The following ERAP1 variants were observed in gnomAD, a reference collection of about 807,000 sequenced individuals.
The protein encoded by ERAP1 is adipocyte-derived leucine aminopeptidase.
Under a neutral mutation model 103.7 loss-of-function variants are expected in ERAP1, and 86 were observed. That is an observed-to-expected ratio of 0.83 (90% CI 0.70 to 0.99). ERAP1 has a LOEUF of 0.99. ERAP1 is among the 50% of genes least tolerant of loss of function. ERAP1 has a pLI of 0.00. For missense variants in ERAP1, 1,009 were observed against 1,128.4 expected (o/e 0.89, Z 1.52); for synonymous variants, 398 against 402.4 (o/e 0.99, Z 0.13).
the ERAP1 span, among the ~76,000 whole-genome samples, chr5:96,917,113 G>T: frequency 1.3e-5 from 2 of 152,026 alleles, no homozygotes; most frequent in Non-Finnish European, 2.9e-5. Context: ...TGGTTTTATT[G>T]TTTCTTTATT....
At chr5:96,887,473 G>A in the ERAP1 span, among the ~76,000 whole-genome samples, 1 of 151,888 alleles carries the variant, frequency 6.6e-6, no homozygotes, top group Non-Finnish European at 1.5e-5. Context: ...GCTAATTTTT[G>A]TATATTTGTA....
intron 1 of ERAP1, chr5:96,805,602 A>C (rs1254637079): frequency 6.6e-6 from 1 of 152,266 alleles, no homozygotes; most frequent in Non-Finnish European, 1.5e-5. Flanking sequence ...CCTACACATT[A>C]GAGAGAGTCT....
At chr5:96,890,862 T>C in the ERAP1 span, among the ~76,000 whole-genome samples, 1 of 152,098 alleles carries the variant, frequency 6.6e-6, no homozygotes, top group Non-Finnish European at 1.5e-5. Context: ...AGATCAAAAG[T>C]CAAGGAAAGA....
chr5:96,874,341 G>C, the ERAP1 span, among the ~76,000 whole-genome samples: 1 of 152,156 alleles, frequency 6.6e-6, no homozygotes, highest in African/African-American at 2.4e-5. Flanking sequence ...CACCACTTCT[G>C]TTCCAGTGGG....
rs1775104197 is a variant in ERAP1 at position 96,781,105 on chromosome 5, TG to T, written c.2540del (p.Pro847HisfsTer7). ...TTTTCCTCAGAAATTGCCAGGCCAGTGGGTATCCTACTGGGTTCCTGCCAAT... is the reference window on the plus strand; with the variant it reads ...TTTTCCTCAGAAATTGCCAGGCCAGTGGTATCCTACTGGGTTCCTGCCAAT... ...TLIGRNPVGY[P>X]LAWQFLRKNW... On this transcript the variant is annotated frameshift_variant, in exon 17 of 19. Transcript: ENST00000443439. LOFTEE classifies it high-confidence loss of function. The T allele has an allele frequency of 1.2e-6, 2 of 1,613,758 alleles. No individual in the cohort carries two copies. Among genetic ancestry groups the T allele is most frequent in the African/African-American group, 2.7e-5 (2 of 74,826 alleles).
the ERAP1 span, among the ~76,000 whole-genome samples, chr5:96,891,351 G>T: frequency 8.5e-6 from 1 of 116,994 alleles, no homozygotes; most frequent in East Asian, 2.5e-4. Flanking sequence ...ATATGTATAT[G>T]TGTGTGTATA....
chr5:96,932,983 A>G, the ERAP1 span, among the ~76,000 whole-genome samples: 1 of 152,148 alleles, frequency 6.6e-6, no homozygotes, highest in South Asian at 2.1e-4. Context: ...TTCTTAAACT[A>G]AAGAGGAAGT....
the ERAP1 span, among the ~76,000 whole-genome samples, chr5:96,874,038 A>G: frequency 2.6e-5 from 4 of 151,854 alleles, no homozygotes; most frequent in African/African-American, 9.7e-5. Context: ...GAAAACTGAG[A>G]CATGAATTCC....
chr5:96,902,668 A>T, the ERAP1 span: 1 of 194,086 alleles, frequency 5.2e-6, no homozygotes. Flanking sequence ...AAAAATGTTC[A>T]GTGGAAAAAA....
chr5:96,913,438 T>C, the ERAP1 span: 3 of 1,614,088 alleles, frequency 1.9e-6, no homozygotes, highest in Admixed American at 1.7e-5. Flanking sequence ...AAGAGAAAAT[T>C]GGACCCATCT....
the ERAP1 span, chr5:96,909,778 T>A: frequency 1.2e-6 from 2 of 1,612,432 alleles, no homozygotes; most frequent in Non-Finnish European, 1.7e-6. Flanking sequence ...GATGTAGACT[T>A]CTGTCCTACC....
chr5:96,901,203 C>CTTGT, the ERAP1 span, among the ~76,000 whole-genome samples: 1 of 151,814 alleles, frequency 6.6e-6, no homozygotes, highest in Non-Finnish European at 1.5e-5. Flanking sequence ...TGTTTGTTTG[C>CTTGT]TTGTTTTTGA....
the ERAP1 span, among the ~76,000 whole-genome samples, chr5:96,836,316 C>T: frequency 6.6e-6 from 1 of 151,928 alleles, no homozygotes; most frequent in Non-Finnish European, 1.5e-5. Context: ...GTTCTTCTGC[C>T]TCAGCCTCCC....
chr5:96,783,932 G>T lies in ERAP1; in HGVS notation c.2092C>A (p.Gln698Lys). 1 of 1,612,116 alleles carries T rather than the reference G, an allele frequency of 6.2e-7. No homozygotes were observed. Among genetic ancestry groups the T allele is most frequent in the South Asian group, 1.1e-5 (1 of 90,910 alleles). Residue 698 changes from glutamine to lysine, a missense_variant, in exon 14 of 19, where the codon CAA (glutamine) becomes AAA (lysine). Physicochemically the swap from Gln to Lys is moderately conservative, Grantham distance 53 (BLOSUM62 1). This residue lies in a region of ERAP1 where 611 missense variants were observed against 651.7 expected (regional missense o/e 0.94). Coordinates refer to ENST00000443439, the MANE Select transcript of ERAP1 (RefSeq NM_001040458.3). ...TTATTTCAGGCTTTTACCTTGAATT[G>T]AGTTTCCACTTCATTCATATCTCTT... ...EKRDMNEVETQFKAFLIRLLR... is the reference protein window; with the variant it reads ...EKRDMNEVETKFKAFLIRLLR...
At chr5:96,789,516 A>G (rs1471580894) in intron 10 of ERAP1, among the ~76,000 whole-genome samples, 3 of 152,154 alleles carry the variant, frequency 2.0e-5, no homozygotes, top group Non-Finnish European at 4.4e-5. Flanking sequence ...AAAAGATAAA[A>G]TGTGCCACAG....
chr5:96,783,277 A>T, intron 14 of ERAP1, 42 bp from the exon 15 acceptor site: 1 of 1,558,754 alleles, frequency 6.4e-7, no homozygotes, highest in Non-Finnish European at 8.7e-7. Flanking sequence ...GTATTGTCAC[A>T]GGTCATTTCA....
chr5:96,837,138 C>G, the ERAP1 span, among the ~76,000 whole-genome samples: 2 of 151,938 alleles, frequency 1.3e-5, no homozygotes, highest in South Asian at 2.1e-4. Context: ...ATGTAGGCAT[C>G]AATTCCTCAT....
At chr5:96,893,131 T>C in the ERAP1 span, among the ~76,000 whole-genome samples, 1 of 152,120 alleles carries the variant, frequency 6.6e-6, no homozygotes, top group Non-Finnish European at 1.5e-5. Context: ...AAATAACTTA[T>C]CTAAGGGCCA....
the ERAP1 span, among the ~76,000 whole-genome samples, chr5:96,860,327 TA>T: frequency 1.2e-4 from 18 of 152,210 alleles, no homozygotes; most frequent in African/African-American, 4.3e-4. Flanking sequence ...GTGCTGGGAT[TA>T]CAAGTGTGAG....
Sources: allele counts gnomAD v4.1 joint callset (sites outside exome capture counted in the v4.1 genomes callset), GRCh38; gene constraint gnomAD v4.1.1; regional missense constraint gnomAD v4.1.1; transcripts MANE v1.5; gene names NCBI Gene and HGNC (gene_info 2026-07-23, HGNC 2026-07-21).